The following KALRN variants were observed in gnomAD, a reference collection of about 807,000 sequenced individuals.
The protein encoded by KALRN is kalirin.
Under a neutral mutation model 353.7 loss-of-function variants are expected in KALRN, and 70 were observed. That is an observed-to-expected ratio of 0.20 (90% CI 0.16 to 0.24). The LOEUF is 0.24. Ranked by LOEUF, KALRN falls within the 10% of genes least tolerant of loss-of-function variation. The pLI is 1.00. For synonymous variants in KALRN, 1,391 were observed against 1,434.8 expected (o/e 0.97, Z 0.69); for missense variants, 2,791 against 3,756.7 (o/e 0.74, Z 6.72).
At chr3:124,617,954 A>G (rs1369853275) in intron 34 of KALRN, among the ~76,000 whole-genome samples, 1 of 152,174 alleles carries the variant, frequency 6.6e-6, no homozygotes, top group Non-Finnish European at 1.5e-5. Context: ...CTGGTGGCAG[A>G]GATATATCAA....
chr3:124,177,920 C>T (rs1032918328), intron 1 of KALRN, among the ~76,000 whole-genome samples: 1 of 152,124 alleles, frequency 6.6e-6, no homozygotes, highest in Non-Finnish European at 1.5e-5. Context: ...TGGACTTTAC[C>T]ATAGCTACTT....
At chr3:124,482,422 C>T (rs1445706236) in intron 27 of KALRN, among the ~76,000 whole-genome samples, 2 of 152,112 alleles carry the variant, frequency 1.3e-5, no homozygotes, top group Admixed American at 6.5e-5. Context: ...CTCTGCCTTC[C>T]CTGTACTCTC....
At chr3:124,434,655 G>C in intron 17 of KALRN, 130 bp downstream of exon 17, 1 of 770,514 alleles carries the variant, frequency 1.3e-6, no homozygotes. Flanking sequence ...TTGAAGAATA[G>C]TTTGTGGAAA....
intron 1 of KALRN, among the ~76,000 whole-genome samples, chr3:124,130,670 A>G (rs1279095803): frequency 6.6e-6 from 1 of 152,232 alleles, no homozygotes; most frequent in Non-Finnish European, 1.5e-5. Context: ...AAACAAAAGC[A>G]TGTACAAGAA....
At chr3:124,596,372 C>T (rs928800715) in intron 34 of KALRN, among the ~76,000 whole-genome samples, 1 of 151,988 alleles carries the variant, frequency 6.6e-6, no homozygotes, top group Non-Finnish European at 1.5e-5. Context: ...GAGGTTGAGG[C>T]AGGAGAATCG....
In KALRN at chr3:124,693,845, CA is replaced by C. The variant is rs1275666878; in HGVS notation, c.7405+15del. 6.5e-7 allele frequency: 1 copy of C among 1,547,318 alleles called. No homozygotes were observed. Among genetic ancestry groups the C allele is most frequent in the Non-Finnish European group, 8.8e-7 (1 of 1,131,294 alleles). ...TCATCCAAGAAGGTGAGTTAAAAAG[CA>C]TTAGAATTGGAAACATGGGGATTGG... On this transcript the variant is annotated intron_variant, in intron 52 of 59. Coordinates refer to ENST00000682506, the MANE Select transcript of KALRN (RefSeq NM_001388419.1).
intron 10 of KALRN, among the ~76,000 whole-genome samples, chr3:124,373,553 C>G (rs1165560114): frequency 6.6e-6 from 1 of 152,182 alleles, no homozygotes; most frequent in African/African-American, 2.4e-5. Context: ...GTTGTTCCTT[C>G]TGAGGGCTGT....
Position 124,654,953 on chromosome 3 carries a change from C to T in KALRN, c.5796-648C>T, listed in dbSNP as rs1344507133. The stretch of plus-strand genomic sequence containing the variant: ...GCAAATGTCCTTGTAATTGTTAAAT[C>T]CTGCATCCTGGAGAAGGTAGTGCTG... On this transcript the variant is annotated intron_variant, in intron 38 of 59. Transcript: ENST00000682506. 3.9e-5 allele frequency among the ~76,000 whole-genome samples: 6 copies of T among 152,154 alleles called. No homozygotes were observed. In the South Asian group the frequency reaches 1.0e-3, roughly 26 times the overall value.
At chr3:124,354,383 C>T (rs968371026) in intron 10 of KALRN, among the ~76,000 whole-genome samples, 5 of 152,110 alleles carry the variant, frequency 3.3e-5, no homozygotes, top group Admixed American at 3.3e-4. Context: ...TCTACAGAGC[C>T]AGGATGACGG....
chr3:124,573,696 C>T (rs573969036), intron 34 of KALRN, among the ~76,000 whole-genome samples: 1 of 152,164 alleles, frequency 6.6e-6, no homozygotes, highest in East Asian at 1.9e-4. Flanking sequence ...AGCACAACCT[C>T]CTGTCTGCAC....
chr3:124,452,499 G>A (rs1014862238), intron 21 of KALRN, among the ~76,000 whole-genome samples: 3 of 152,176 alleles, frequency 2.0e-5, no homozygotes, highest in Admixed American at 2.0e-4. Flanking sequence ...ACACTGGGAA[G>A]GCATTGCCCA....
chr3:124,614,571 T>TC (rs1381128650), intron 34 of KALRN, among the ~76,000 whole-genome samples: 2 of 150,942 alleles, frequency 1.3e-5, no homozygotes, highest in African/African-American at 2.4e-5. Context: ...TTTTCTTTTT[T>TC]TTTTTTTCAG....
intron 1 of KALRN, among the ~76,000 whole-genome samples, chr3:124,088,726 T>G (rs192455631): frequency 6.6e-6 from 1 of 152,316 alleles, no homozygotes; most frequent in Admixed American, 6.5e-5. Context: ...CCTTTCCCAG[T>G]ACCTCGAAGG....
At chr3:124,287,803 A>T (rs368165599) in intron 5 of KALRN, among the ~76,000 whole-genome samples, 5 of 20,718 alleles carry the variant, frequency 2.4e-4, no homozygotes, top group Non-Finnish European at 3.4e-4. Flanking sequence ...ATATATATAT[A>T]TATATATATA....
chr3:124,694,294 G>C (rs1282443862), intron 52 of KALRN, 38 bp from the exon 53 acceptor site: 1 of 1,594,248 alleles, frequency 6.3e-7, no homozygotes, highest in Admixed American at 1.7e-5. Flanking sequence ...TTCTAAATTT[G>C]CTCTGAATGA....
intron 1 of KALRN, among the ~76,000 whole-genome samples, chr3:124,172,057 G>A (rs2071915516): frequency 6.6e-6 from 1 of 152,150 alleles, no homozygotes; most frequent in Non-Finnish European, 1.5e-5. Flanking sequence ...CTTTGGGTAG[G>A]TTACTTGACT....
Position 124,334,285 on chromosome 3 carries a change from A to T in KALRN, c.1437A>T (p.Ala479=), listed in dbSNP as rs1398822275. Residue 479 remains alanine (A), a synonymous_variant, in exon 9 of 60, where the codon GCA becomes GCT. Transcript: ENST00000682506. This position sits in a 1 kb window ranked among gnomAD's most constrained non-coding sequence, Gnocchi z 4.2. ...AYTEVSQDGK[A]LLDVLQRPLS... Reference sequence around the variant, plus strand: ...TGCAGGTCAGCCAGGATGGCAAAGCACTACTTGATGTGCTGCAGCGGCCCC... The same window carrying T: ...TGCAGGTCAGCCAGGATGGCAAAGCTCTACTTGATGTGCTGCAGCGGCCCC... 22 of 1,614,104 alleles carry T rather than the reference A, an allele frequency of 1.4e-5. No homozygotes were observed. The highest frequency in any genetic ancestry group is 1.9e-5 in the Non-Finnish European group (22 of 1,180,032).
chr3:124,428,116 ATAAC>A (rs766968014), intron 15 of KALRN, among the ~76,000 whole-genome samples: 8 of 152,212 alleles, frequency 5.3e-5, no homozygotes, highest in South Asian at 4.1e-4. Flanking sequence ...TCACAGAAGA[ATAAC>A]TAGCCAGTTT....
chr3:124,489,516 T>C (rs1484510675), intron 29 of KALRN, among the ~76,000 whole-genome samples: 1 of 152,076 alleles, frequency 6.6e-6, no homozygotes, highest in Non-Finnish European at 1.5e-5. Context: ...AAGCCTCAAT[T>C]CTTAGAGCAA....
Sources: gnomAD v4.1 joint callset for allele counts (sites outside exome capture counted in the v4.1 genomes callset) on GRCh38, gnomAD v4.1.1 for gene constraint, Gnocchi (gnomAD v3.1) non-coding constraint, MANE v1.5 for transcripts, NCBI Gene and HGNC (gene_info 2026-07-23, HGNC 2026-07-21) for gene names.